The following PTPRK variants were observed in gnomAD, a reference collection of about 807,000 sequenced individuals.
PTPRK encodes receptor-type tyrosine-protein phosphatase kappa.
PTPRK carries 75 observed loss-of-function variants against 178.0 expected under a neutral mutation model. That is an observed-to-expected ratio of 0.42 (90% CI 0.35 to 0.51). The LOEUF (loss-of-function observed/expected upper bound fraction) is 0.51, where lower values mean the gene tolerates loss of function less well. PTPRK is among the 20% of genes least tolerant of loss of function. The pLI is 0.02. For missense variants in PTPRK, 1,441 were observed against 1,797.8 expected (o/e 0.80, Z 3.59); for synonymous variants, 637 against 620.6 (o/e 1.03, Z -0.39).
chr6:128,117,261 C>T (rs112353324), intron 7 of PTPRK, among the ~76,000 whole-genome samples: 3,917 of 152,254 alleles, frequency 0.026, 76 homozygotes, highest in Middle Eastern at 0.092. Flanking sequence ...GCGTTCAATA[C>T]CCCCTAAAGC....
chr6:128,209,575 T>G (rs1269156704), intron 6 of PTPRK, among the ~76,000 whole-genome samples: 1 of 152,162 alleles, frequency 6.6e-6, no homozygotes, highest in East Asian at 1.9e-4. Context: ...TTCATGTCAT[T>G]CATATGGCAC....
chr6:128,206,297 T>C (rs987909612), intron 6 of PTPRK, among the ~76,000 whole-genome samples: 6 of 150,922 alleles, frequency 4.0e-5, no homozygotes, highest in Non-Finnish European at 8.8e-5. Flanking sequence ...TATTTTAGTA[T>C]ATCAGAAACA....
In PTPRK at chr6:128,464,657, A is replaced by ATG. The variant is rs1168488688; in HGVS notation, c.100+55601_100+55602insCA. On this transcript the variant is annotated intron_variant, in intron 1 of 29. Coordinates refer to ENST00000368226, the MANE Select transcript of PTPRK (RefSeq NM_002844.4). ...TATACACATATATATATATATATAT[A>ATG]TATATATATATATATATACAACAGA... Among the ~76,000 whole-genome samples, 66 of 116,200 alleles carry ATG rather than the reference A, an allele frequency of 5.7e-4. 1 individual carries two copies. The highest frequency in any genetic ancestry group is 3.9e-3 in the Middle Eastern group (1 of 258). 76.2% of individuals were successfully genotyped at this position (116,200 alleles called of 152,430 possible).
chr6:128,226,965 C>T (rs1218296220), intron 5 of PTPRK, among the ~76,000 whole-genome samples: 2 of 151,524 alleles, frequency 1.3e-5, no homozygotes, highest in Non-Finnish European at 2.9e-5. Flanking sequence ...ATTTTTCAGT[C>T]TGATTAGATT....
intron 2 of PTPRK, among the ~76,000 whole-genome samples, chr6:128,352,122 C>T (rs772182445): frequency 6.6e-6 from 1 of 151,528 alleles, no homozygotes; most frequent in African/African-American, 2.4e-5. Flanking sequence ...GGCATGGTGG[C>T]GCACACCTGT....
chr6:128,362,995 C>T (rs748652286), intron 2 of PTPRK, among the ~76,000 whole-genome samples: 20 of 152,094 alleles, frequency 1.3e-4, no homozygotes, highest in Non-Finnish European at 1.9e-4. Flanking sequence ...AGAGAAGCCA[C>T]GGTAGGAAGA....
intron 1 of PTPRK, among the ~76,000 whole-genome samples, chr6:128,463,652 T>C (rs1849366024): frequency 6.6e-6 from 1 of 151,944 alleles, no homozygotes; most frequent in South Asian, 2.1e-4. Flanking sequence ...ATATAGCTAT[T>C]AGGAAGTGAG....
chr6:128,040,733 G>T (rs542418855), intron 13 of PTPRK, among the ~76,000 whole-genome samples: 2 of 152,014 alleles, frequency 1.3e-5, no homozygotes, highest in Non-Finnish European at 2.9e-5. Context: ...GTATCACTTT[G>T]TCACCTCTAC....
At chr6:128,517,421 C>T (rs1348826221) in intron 1 of PTPRK, among the ~76,000 whole-genome samples, 1 of 152,178 alleles carries the variant, frequency 6.6e-6, no homozygotes, top group Non-Finnish European at 1.5e-5. Flanking sequence ...CAAGAGATCA[C>T]AGCTATACAA....
intron 2 of PTPRK, among the ~76,000 whole-genome samples, chr6:128,350,331 G>T (rs1268660956): frequency 6.6e-6 from 1 of 152,164 alleles, no homozygotes; most frequent in Non-Finnish European, 1.5e-5. Flanking sequence ...GAAGCAATCA[G>T]CAGGTATTAT....
intron 13 of PTPRK, among the ~76,000 whole-genome samples, chr6:128,041,714 G>A (rs768154911): frequency 2.1e-4 from 32 of 151,622 alleles, no homozygotes; most frequent in African/African-American, 7.7e-4. Context: ...ACATATAGAT[G>A]ATAATATCAA....
At chr6:128,248,300 T>C (rs906983824) in intron 3 of PTPRK, among the ~76,000 whole-genome samples, 3 of 152,192 alleles carry the variant, frequency 2.0e-5, no homozygotes, top group African/African-American at 7.2e-5. Flanking sequence ...ACATTACATA[T>C]ATGTGCATAT....
In PTPRK at chr6:128,173,436, C is replaced by T. The variant is rs117122857; in HGVS notation, c.1162+10996G>A. 2.4e-3 allele frequency among the ~76,000 whole-genome samples: 361 copies of T among 151,986 alleles called. 3 individuals are homozygous for T. Among genetic ancestry groups the T allele is most frequent in the South Asian group, 7.7e-3 (37 of 4,814 alleles). On this transcript the variant is annotated intron_variant, in intron 7 of 29. Coordinates refer to ENST00000368226, the MANE Select transcript of PTPRK (RefSeq NM_002844.4). The stretch of plus-strand genomic sequence containing the variant: ...GGTTGAAAGAAACTTACTTCAATTT[C>T]CAATTCAAGGAAATTATAGTATACT...
Position 128,270,028 on chromosome 6 carries a change from A to G in PTPRK, c.496-27426T>C, listed in dbSNP as rs554541684. ...TTCCTTTCTGCTGATTGTACCTGCTAGTCGATTATCCTTATCCCATAATAG... is the reference window on the plus strand; with the variant it reads ...TTCCTTTCTGCTGATTGTACCTGCTGGTCGATTATCCTTATCCCATAATAG... On this transcript the variant is annotated intron_variant, in intron 3 of 29. Coordinates refer to ENST00000368226, the MANE Select transcript of PTPRK (RefSeq NM_002844.4). Among the ~76,000 whole-genome samples the G allele has an allele frequency of 2.0e-5, 3 of 152,236 alleles. No individual in the cohort carries two copies. In the South Asian group the frequency reaches 6.2e-4, roughly 32 times the overall value.
At chr6:128,179,903 G>C (rs905217317) in intron 7 of PTPRK, among the ~76,000 whole-genome samples, 9 of 151,934 alleles carry the variant, frequency 5.9e-5, no homozygotes, top group Admixed American at 4.6e-4. Flanking sequence ...TGCATTTTTA[G>C]TAAATGCTTA....
chr6:128,058,035 T>C (rs911208243), intron 13 of PTPRK, among the ~76,000 whole-genome samples: 5 of 152,246 alleles, frequency 3.3e-5, no homozygotes, highest in African/African-American at 1.2e-4. Flanking sequence ...CATGGCATTA[T>C]GTGAATATGC....
intron 2 of PTPRK, among the ~76,000 whole-genome samples, chr6:128,385,656 C>T (rs184537193): frequency 1.7e-4 from 26 of 152,304 alleles, no homozygotes; most frequent in Non-Finnish European, 3.2e-4. Flanking sequence ...AAATTAATCA[C>T]AAGCATTCAG....
chr6:128,119,256 G>A (rs1792063704), intron 7 of PTPRK, among the ~76,000 whole-genome samples: 3 of 151,520 alleles, frequency 2.0e-5, no homozygotes, highest in Admixed American at 2.0e-4. Flanking sequence ...CACAAGCCAT[G>A]GATGTGTTTT....
At position 128,235,461 on chromosome 6, in the gene PTPRK, T is replaced by C. The variant is rs138638513; in HGVS notation, c.693+4574A>G. 7.1e-5 allele frequency: 22 copies of C among 308,636 alleles called. No individual in the cohort carries two copies. The Admixed American group carries it at 9.9e-4, about 14-fold the overall frequency. The allele number at this position is 308,636 out of a possible 1,614,324, so 19.1% of individuals were successfully genotyped here. A position where few individuals can be genotyped will look rare whatever the true frequency, so the allele number is the denominator to read the frequency against. ...ATTTCACTTTTGATCTTATTTCCCA[T>C]AAGTAGAGCTTTATCATAGCTTCAA... On this transcript the variant is annotated intron_variant, in intron 5 of 29. Transcript: ENST00000368226.
Sources: gnomAD v4.1 joint callset for allele counts (sites outside exome capture counted in the v4.1 genomes callset) on GRCh38, gnomAD v4.1.1 for gene constraint, MANE v1.5 for transcripts, NCBI Gene and HGNC (gene_info 2026-07-23, HGNC 2026-07-21) for gene names.